Variants in LOXL2 observed in about 807,000 individuals in gnomAD.
LOXL2 encodes the protein lysyl oxidase homolog 2.
A neutral mutation model predicts 93.0 loss-of-function variants in LOXL2; 70 were observed. The ratio of observed to expected loss-of-function variants is 0.75; its 90% CI spans 0.62 to 0.92. The LOEUF (loss-of-function observed/expected upper bound fraction) is 0.92, where lower values mean the gene tolerates loss of function less well. LOXL2 is among the 40% of genes least tolerant of loss of function. The probability of loss-of-function intolerance (pLI) is 0.00; values close to 1 mark genes in which losing one functional copy is unlikely to be tolerated. For synonymous variants in LOXL2, 438 were observed against 413.2 expected (o/e 1.06, Z -0.73); for missense variants, 973 against 1,054.9 (o/e 0.92, Z 1.08).
At chr8:23,343,858 C>G (rs968562842) in intron 3 of LOXL2, among the ~76,000 whole-genome samples, 1 of 152,128 alleles carries the variant, frequency 6.6e-6, no homozygotes, top group Non-Finnish European at 1.5e-5. Flanking sequence ...ACAAGCCGGC[C>G]CTCTTCTGTC....
intron 3 of LOXL2, among the ~76,000 whole-genome samples, chr8:23,341,843 T>C (rs752839905): frequency 1.5e-4 from 23 of 152,132 alleles, no homozygotes; most frequent in Non-Finnish European, 2.4e-4. Context: ...GAGCGTGCTG[T>C]GTGCAGAGAC....
chr8:23,377,956 T>C (rs1804619261), intron 1 of LOXL2, among the ~76,000 whole-genome samples: 1 of 152,240 alleles, frequency 6.6e-6, no homozygotes, highest in African/African-American at 2.4e-5. Context: ...GTTAATATTG[T>C]TACGTGTAAA....
chr8:23,330,280 G>A (rs2117168374), intron 5 of LOXL2, among the ~76,000 whole-genome samples: 1 of 152,340 alleles, frequency 6.6e-6, no homozygotes, highest in South Asian at 2.1e-4. Context: ...CTTGCAGTGA[G>A]CCGAGATTGC....
intron 1 of LOXL2, among the ~76,000 whole-genome samples, chr8:23,371,645 G>A (rs1365388760): frequency 6.7e-5 from 10 of 149,626 alleles, no homozygotes; most frequent in East Asian, 2.0e-4. Flanking sequence ...CCAGCTACTC[G>A]GGAGGCTGAG....
At chr8:23,395,894 G>A (rs62501410) in intron 1 of LOXL2, among the ~76,000 whole-genome samples, 38,538 of 151,770 alleles carry the variant, frequency 0.25, 5,058 homozygotes, top group African/African-American at 0.31. Context: ...GGCTGGTCTC[G>A]AACTCCCGAG....
rs1293981404 is a variant in LOXL2, at chr8:23,297,763, A to T, written c.*280T>A. 2.8e-6 allele frequency: 1 copy of T among 360,732 alleles called. No homozygotes were observed. The highest frequency in any genetic ancestry group is 5.1e-6 in the Non-Finnish European group (1 of 195,308). The allele number at this position is 360,732 out of a possible 1,614,324, so 22.3% of individuals were successfully genotyped here. On this transcript the variant is annotated 3_prime_UTR_variant, in exon 14 of 14. Transcript: ENST00000389131. ...TGATGACAACCTGTCTGTGGGCCTC[A>T]TCCCGGTCAAGACTGGCTCTTGGTG...
At chr8:23,393,204 C>A (rs758133987) in intron 1 of LOXL2, among the ~76,000 whole-genome samples, 1 of 152,186 alleles carries the variant, frequency 6.6e-6, no homozygotes, top group Non-Finnish European at 1.5e-5. Flanking sequence ...AATTGACAAG[C>A]TGATTGATTC....
intron 1 of LOXL2, among the ~76,000 whole-genome samples, chr8:23,395,458 C>A (rs528306485): frequency 6.6e-6 from 1 of 152,128 alleles, no homozygotes; most frequent in South Asian, 2.1e-4. Flanking sequence ...ATATGGACTT[C>A]TCTTTGTGTT....
intron 13 of LOXL2, 48 bp downstream of exon 13, chr8:23,298,788 T>C (rs973034459): frequency 1.7e-6 from 2 of 1,190,160 alleles, no homozygotes; most frequent in East Asian, 2.4e-5. Context: ...CTTGAGAAAG[T>C]AGGGCAGCTC....
chr8:23,368,076 A>C lies in LOXL2; in HGVS notation c.276T>G (p.Ala92=), dbSNP rs1279371013. ...TVCDDDFSIH[A]AHVVCRELGY... ...CCAGCTCCCGGCAGACGACGTGGGC[A>C]GCGTGGATGGAGAAGTCGTCATCGC... Residue 92 remains alanine, a synonymous_variant, in exon 2 of 14, where the codon GCT becomes GCG. Coordinates refer to ENST00000389131, the MANE Select transcript of LOXL2 (RefSeq NM_002318.3). The C allele has an allele frequency of 6.2e-7, 1 of 1,614,064 alleles. No individual in the cohort carries two copies. Among genetic ancestry groups the C allele is most frequent in the Non-Finnish European group, 8.5e-7 (1 of 1,180,038 alleles).
chr8:23,394,418 C>T (rs1396384386), intron 1 of LOXL2, among the ~76,000 whole-genome samples: 4 of 135,640 alleles, frequency 2.9e-5, no homozygotes, highest in Non-Finnish European at 4.8e-5. Flanking sequence ...AAAAAAAAGA[C>T]AACCAACCCA....
At chr8:23,333,763 A>C in intron 4 of LOXL2, 140 bp from the exon 5 acceptor site, 1 of 666,822 alleles carries the variant, frequency 1.5e-6, no homozygotes, top group Non-Finnish European at 2.5e-6. Flanking sequence ...AGCTCAGTCC[A>C]TTCTGCCAGC....
chr8:23,327,619 G>A (rs1803601322), intron 6 of LOXL2, among the ~76,000 whole-genome samples: 1 of 152,088 alleles, frequency 6.6e-6, no homozygotes, highest in Admixed American at 6.5e-5. Context: ...CAGTTGTCTC[G>A]GGGAAGACTG....
chr8:23,313,816 G>A (rs537455302), intron 9 of LOXL2, among the ~76,000 whole-genome samples: 13 of 151,442 alleles, frequency 8.6e-5, no homozygotes, highest in African/African-American at 2.9e-4. Flanking sequence ...TTAAACTAAA[G>A]AGCTCTGCAC....
At chr8:23,342,679 C>T (rs772319902) in intron 3 of LOXL2, among the ~76,000 whole-genome samples, 2 of 152,184 alleles carry the variant, frequency 1.3e-5, no homozygotes, top group Non-Finnish European at 2.9e-5. Context: ...GATCAGCCCG[C>T]CTTGGCCTCA....
At chr8:23,340,627 G>A (rs749650172) in intron 4 of LOXL2, among the ~76,000 whole-genome samples, 1 of 152,176 alleles carries the variant, frequency 6.6e-6, no homozygotes. Context: ...GCCCAGCCTG[G>A]CCAGGGTATT....
chr8:23,380,698 G>A (rs1343894869), intron 1 of LOXL2, among the ~76,000 whole-genome samples: 1 of 152,026 alleles, frequency 6.6e-6, no homozygotes, highest in Non-Finnish European at 1.5e-5. Flanking sequence ...AAAAAAATCT[G>A]GAAAACACAA....
At chr8:23,365,593 T>C (rs1195040042) in intron 2 of LOXL2, 3 of 152,048 alleles carry the variant, frequency 2.0e-5, no homozygotes, top group Non-Finnish European at 2.9e-5. Context: ...ATGATTTCCA[T>C]GTCCACAAAG....
chr8:23,324,365 C>T (rs1803545621), intron 6 of LOXL2, among the ~76,000 whole-genome samples: 1 of 152,218 alleles, frequency 6.6e-6, no homozygotes, highest in African/African-American at 2.4e-5. Context: ...AGCACACATA[C>T]CCATGGTGCG....
Sources: allele counts gnomAD v4.1 joint callset (sites outside exome capture counted in the v4.1 genomes callset), GRCh38; gene constraint gnomAD v4.1.1; transcripts MANE v1.5; gene names NCBI Gene and HGNC (gene_info 2026-07-23, HGNC 2026-07-21).